Variants in DPP10 observed in about 807,000 individuals in gnomAD.
DPP10 encodes the protein inactive dipeptidyl peptidase 10.
DPP10 carries 33 observed loss-of-function variants against 120.9 expected under a neutral mutation model. That is an observed-to-expected ratio of 0.27 (90% CI 0.21 to 0.37). The LOEUF is 0.37. DPP10 is among the 10% of genes least tolerant of loss of function. The probability of loss-of-function intolerance (pLI) is 1.00; values close to 1 mark genes in which losing one functional copy is unlikely to be tolerated. For synonymous variants in DPP10, 337 were observed against 326.1 expected, an observed-to-expected ratio of 1.03 and a Z score of -0.36; for missense variants, 816 against 942.8, an observed-to-expected ratio of 0.87 and a Z score of 1.76.
chr2:115,816,589 AGTTT>A (rs1022509420), intron 21 of DPP10, among the ~76,000 whole-genome samples: 7 of 149,092 alleles, frequency 4.7e-5, no homozygotes, highest in Admixed American at 3.4e-4. Flanking sequence ...GATATTTATT[AGTTT>A]GTTTTTTATT....
At chr2:114,913,223 G>A (rs1380740803) in intron 1 of DPP10, among the ~76,000 whole-genome samples, 1 of 152,188 alleles carries the variant, frequency 6.6e-6, no homozygotes, top group Non-Finnish European at 1.5e-5. Context: ...CCCATGCACA[G>A]CCTTCCCCCA....
chr2:114,863,904 G>C (rs1218761579), intron 1 of DPP10, among the ~76,000 whole-genome samples: 1 of 152,170 alleles, frequency 6.6e-6, no homozygotes, highest in Non-Finnish European at 1.5e-5. Flanking sequence ...GGGCCTGAAA[G>C]CCTCCAAGTC....
intron 1 of DPP10, among the ~76,000 whole-genome samples, chr2:114,737,573 C>T (rs1238981976): frequency 2.6e-5 from 4 of 152,194 alleles, no homozygotes; most frequent in Non-Finnish European, 5.9e-5. Context: ...GAAGCATCCT[C>T]CTTACTCCCA....
chr2:114,841,682 A>G (rs1403583460), intron 1 of DPP10, among the ~76,000 whole-genome samples: 2 of 152,116 alleles, frequency 1.3e-5, no homozygotes, highest in African/African-American at 4.8e-5. Context: ...TTTATGGTAG[A>G]CAGATCTACC....
At chr2:115,802,949 G>A (rs1685446746) in intron 19 of DPP10, among the ~76,000 whole-genome samples, 2 of 152,286 alleles carry the variant, frequency 1.3e-5, no homozygotes, top group South Asian at 2.1e-4. Flanking sequence ...TATTAGGTCT[G>A]CTTGGTGCAG....
At chr2:114,484,651 T>G (rs1681340380) in intron 1 of DPP10, among the ~76,000 whole-genome samples, 1 of 152,002 alleles carries the variant, frequency 6.6e-6, no homozygotes, top group Admixed American at 6.6e-5. Context: ...CATCTAGGAG[T>G]TTGCTAGAAA....
chr2:114,527,846 A>G (rs1685633345), intron 1 of DPP10, among the ~76,000 whole-genome samples: 1 of 152,162 alleles, frequency 6.6e-6, no homozygotes, highest in African/African-American at 2.4e-5. Context: ...ACTGTAGGCA[A>G]TTGTAGCACA....
At chr2:115,165,617 G>C (rs2052774716) in intron 1 of DPP10, among the ~76,000 whole-genome samples, 1 of 152,000 alleles carries the variant, frequency 6.6e-6, no homozygotes, top group Non-Finnish European at 1.5e-5. Context: ...TGTATCATTT[G>C]TCTCTGATGA....
chr2:115,690,001 C>A (rs889273908), intron 7 of DPP10, 80 bp downstream of exon 7: 2 of 1,405,414 alleles, frequency 1.4e-6, no homozygotes, highest in Admixed American at 2.2e-5. Flanking sequence ...TTGGAAAAAC[C>A]ATAGGAAAAC....
At chr2:114,661,497 A>G (rs957592457) in intron 1 of DPP10, among the ~76,000 whole-genome samples, 11 of 152,344 alleles carry the variant, frequency 7.2e-5, no homozygotes, top group South Asian at 4.1e-4. Context: ...CACATAATTT[A>G]TATGATAAAG....
Position 114,468,294 on chromosome 2 carries a change from C to G in DPP10, c.60+25456C>G, listed in dbSNP as rs574255692. On this transcript the variant is annotated intron_variant, in intron 1 of 25. Coordinates refer to ENST00000410059, the MANE Select transcript of DPP10 (RefSeq NM_020868.6). ...AAAAGTAGTAGCAAGAGGTCCAGAT[C>G]CCTCTAGGGTGTAGTGTTTCCTGGC... Among the ~76,000 whole-genome samples the G allele has an allele frequency of 2.6e-5, 4 of 151,010 alleles. No individual in the cohort carries two copies. The Admixed American group carries it at 2.7e-4, about 10-fold the overall frequency.
At chr2:114,673,338 GTGTT>G (rs1558991007) in intron 1 of DPP10, among the ~76,000 whole-genome samples, 70 of 152,262 alleles carry the variant, frequency 4.6e-4, no homozygotes, top group African/African-American at 1.5e-3. Context: ...GTAAATGGTT[GTGTT>G]AGAAAGAACC....
intron 1 of DPP10, among the ~76,000 whole-genome samples, chr2:114,444,268 A>G (rs2104515764): frequency 6.6e-6 from 1 of 152,294 alleles, no homozygotes; most frequent in Non-Finnish European, 1.5e-5. Context: ...ATCTAAGCAT[A>G]TCACTGAACA....
chr2:115,214,241 C>T (rs778307083), intron 1 of DPP10, among the ~76,000 whole-genome samples: 1 of 152,194 alleles, frequency 6.6e-6, no homozygotes. Flanking sequence ...ATGAAAGCTA[C>T]ATCCCATGAA....
In DPP10 at chr2:114,653,916, C is replaced by A. The variant is rs114985346; in HGVS notation, c.60+211078C>A. On this transcript the variant is annotated intron_variant, in intron 1 of 25. Coordinates refer to ENST00000410059, the MANE Select transcript of DPP10 (RefSeq NM_020868.6). ...TGAATGCTATCACTTTTTCTTCTCGCTTTTCTAGATAGGCATCTAGAAAGG... is the reference window on the plus strand; with the variant it reads ...TGAATGCTATCACTTTTTCTTCTCGATTTTCTAGATAGGCATCTAGAAAGG... Among the ~76,000 whole-genome samples the A allele has an allele frequency of 9.4e-4, 143 of 152,238 alleles. 1 individual carries two copies. Among genetic ancestry groups the A allele is most frequent in the African/African-American group, 3.3e-3 (138 of 41,560 alleles).
chr2:115,494,419 AT>A (rs2076286702), intron 3 of DPP10, among the ~76,000 whole-genome samples: 1 of 152,158 alleles, frequency 6.6e-6, no homozygotes, highest in African/African-American at 2.4e-5. Flanking sequence ...GAAATAAAGG[AT>A]ATTGAAGCCA....
chr2:115,522,321 C>T (rs773931144), intron 4 of DPP10, among the ~76,000 whole-genome samples: 14 of 152,196 alleles, frequency 9.2e-5, no homozygotes, highest in South Asian at 4.2e-4. Context: ...CAGTGACTAA[C>T]GAGGTTCATG....
intron 1 of DPP10, among the ~76,000 whole-genome samples, chr2:114,905,050 T>A (rs1347529537): frequency 6.6e-6 from 1 of 152,230 alleles, no homozygotes; most frequent in East Asian, 1.9e-4. Flanking sequence ...GATATTTACA[T>A]GGTAAAATTT....
intron 19 of DPP10, among the ~76,000 whole-genome samples, chr2:115,793,358 T>G (rs62156328): frequency 0.099 from 14,993 of 152,100 alleles, 824 homozygotes; most frequent in Non-Finnish European, 0.12. Context: ...TTACCATAGT[T>G]TTTGGTAGAG....
Sources: allele counts gnomAD v4.1 joint callset (sites outside exome capture counted in the v4.1 genomes callset), GRCh38; gene constraint gnomAD v4.1.1; transcripts MANE v1.5; gene names NCBI Gene and HGNC (gene_info 2026-07-23, HGNC 2026-07-21).